Variants in GALNTL6 observed in about 807,000 individuals in gnomAD.
GALNTL6 encodes polypeptide N-acetylgalactosaminyltransferase like 6.
In GALNTL6, 46 loss-of-function variants were observed where a neutral mutation model predicts 73.7. The observed-to-expected ratio is 0.62, with a 90% CI of 0.49 to 0.80. The LOEUF (loss-of-function observed/expected upper bound fraction) is 0.80. Among genes scored for constraint, GALNTL6 ranks in the 30% least tolerant of loss-of-function variants. The probability of loss-of-function intolerance (pLI) is 0.00; values close to 1 mark genes in which losing one functional copy is unlikely to be tolerated. For synonymous variants in GALNTL6, 259 were observed against 263.7 expected (o/e 0.98, Z 0.17); for missense variants, 604 against 755.0 (o/e 0.80, Z 2.34).
intron 5 of GALNTL6, among the ~76,000 whole-genome samples, chr4:172,728,699 T>G (rs28459425): frequency 0.046 from 6,961 of 152,252 alleles, 292 homozygotes; most frequent in African/African-American, 0.11. Flanking sequence ...AGTGCAAATA[T>G]CTCTTTGATA....
At chr4:172,073,400 A>T (rs1230758811) in intron 2 of GALNTL6, among the ~76,000 whole-genome samples, 3 of 152,192 alleles carry the variant, frequency 2.0e-5, no homozygotes, top group African/African-American at 7.2e-5. Context: ...CTGATTGATT[A>T]AAAGAAACTA....
intron 2 of GALNTL6, among the ~76,000 whole-genome samples, chr4:172,147,450 C>CG (rs763409975): frequency 6.6e-6 from 1 of 152,174 alleles, no homozygotes; most frequent in Admixed American, 6.5e-5. Context: ...AGTTCATCCT[C>CG]GATGTGTGCG....
chr4:171,907,761 T>A (rs1372841163), intron 2 of GALNTL6, among the ~76,000 whole-genome samples: 1 of 151,184 alleles, frequency 6.6e-6, no homozygotes, highest in Non-Finnish European at 1.5e-5. Flanking sequence ...AAGGCTACAG[T>A]AACCAAAACA....
intron 2 of GALNTL6, among the ~76,000 whole-genome samples, chr4:172,008,032 G>C (rs79080447): frequency 0.014 from 2,166 of 151,962 alleles, 21 homozygotes; most frequent in Non-Finnish European, 0.023. Context: ...CATGAATTAG[G>C]CTTTATAAAA....
chr4:172,150,279 G>A (rs1219798285), intron 2 of GALNTL6, among the ~76,000 whole-genome samples: 2 of 152,290 alleles, frequency 1.3e-5, no homozygotes, highest in South Asian at 2.1e-4. Flanking sequence ...TATAATTATT[G>A]TAGTTATGTG....
Position 172,061,918 on chromosome 4 carries a change from T to C in GALNTL6, c.139-167738T>C, listed in dbSNP as rs115116132. 2.9e-3 allele frequency among the ~76,000 whole-genome samples: 432 copies of C among 151,112 alleles called. 4 individuals are homozygous for C. The highest frequency in any genetic ancestry group is 9.1e-3 in the African/African-American group (374 of 41,246). On this transcript the variant is annotated intron_variant, in intron 2 of 12. Coordinates refer to ENST00000506823, the MANE Select transcript of GALNTL6 (RefSeq NM_001034845.3). ...AATCTGTTATTTACCACCCATTCCCTGCTTTTGAGCTTGGTATTTTTATCC... is the reference window on the plus strand; with the variant it reads ...AATCTGTTATTTACCACCCATTCCCCGCTTTTGAGCTTGGTATTTTTATCC...
chr4:172,834,522 G>A (rs1254400214), intron 7 of GALNTL6, among the ~76,000 whole-genome samples: 1 of 152,254 alleles, frequency 6.6e-6, no homozygotes, highest in Non-Finnish European at 1.5e-5. Context: ...GAAGGACTGT[G>A]CCCGAGAGAA....
chr4:173,027,331 T>C (rs1198198303), intron 12 of GALNTL6, among the ~76,000 whole-genome samples: 32 of 152,194 alleles, frequency 2.1e-4, no homozygotes, highest in Non-Finnish European at 2.9e-5. Flanking sequence ...GGTTGATTCA[T>C]ATACAGAGAT....
At chr4:172,386,764 G>T (rs1227244762) in intron 5 of GALNTL6, among the ~76,000 whole-genome samples, 1 of 152,024 alleles carries the variant, frequency 6.6e-6, no homozygotes, top group Non-Finnish European at 1.5e-5. Context: ...TCAGAAGAGG[G>T]AGAAAAATTT....
At chr4:172,433,980 A>C (rs1731551754) in intron 5 of GALNTL6, among the ~76,000 whole-genome samples, 1 of 152,106 alleles carries the variant, frequency 6.6e-6, no homozygotes, top group South Asian at 2.1e-4. Flanking sequence ...AAAACAGATA[A>C]GCTCTGTAAT....
chr4:172,116,792 T>C (rs1732996164), intron 2 of GALNTL6, among the ~76,000 whole-genome samples: 1 of 152,188 alleles, frequency 6.6e-6, no homozygotes, highest in Admixed American at 6.6e-5. Flanking sequence ...AGTGAAAATA[T>C]TTAGAAAATT....
intron 2 of GALNTL6, among the ~76,000 whole-genome samples, chr4:172,122,839 A>C (rs1164104521): frequency 1.3e-5 from 2 of 152,198 alleles, no homozygotes; most frequent in Non-Finnish European, 2.9e-5. Context: ...TTACCTGCTC[A>C]TGTCTGGCTA....
chr4:172,205,648 G>A (rs1736086062), intron 2 of GALNTL6, among the ~76,000 whole-genome samples: 1 of 152,164 alleles, frequency 6.6e-6, no homozygotes, highest in Non-Finnish European at 1.5e-5. Flanking sequence ...ACACTCTGAA[G>A]AGCATAGGCA....
intron 5 of GALNTL6, among the ~76,000 whole-genome samples, chr4:172,673,210 G>T (rs1222975015): frequency 6.6e-6 from 1 of 152,070 alleles, no homozygotes. Context: ...ATTCTGGTAT[G>T]TTGCATCTTA....
chr4:172,664,717 C>T (rs1216323356), intron 5 of GALNTL6, among the ~76,000 whole-genome samples: 9 of 152,166 alleles, frequency 5.9e-5, no homozygotes, highest in Non-Finnish European at 1.3e-4. Flanking sequence ...TACTGCAAAT[C>T]CTCCAAACTA....
At chr4:172,409,810 T>C (rs892904277) in intron 5 of GALNTL6, among the ~76,000 whole-genome samples, 2 of 152,024 alleles carry the variant, frequency 1.3e-5, no homozygotes, top group Non-Finnish European at 2.9e-5. Context: ...CTTTGTCTAT[T>C]AATTCAAAGT....
chr4:171,830,683 C>T (rs1734945406), intron 2 of GALNTL6, among the ~76,000 whole-genome samples: 1 of 152,110 alleles, frequency 6.6e-6, no homozygotes, highest in South Asian at 2.1e-4. Context: ...CTTGACTGAT[C>T]TTGATACTGA....
Position 172,809,117 on chromosome 4 carries a change from A to G in GALNTL6, c.554-244A>G, listed in dbSNP as rs1741139807. 6.6e-6 allele frequency among the ~76,000 whole-genome samples: 1 copy of G among 152,200 alleles called. No individual in the cohort carries two copies. Among genetic ancestry groups the G allele is most frequent in the Non-Finnish European group, 1.5e-5 (1 of 68,036 alleles). On this transcript the variant is annotated intron_variant, in intron 5 of 12. Transcript: ENST00000506823. This position sits in a 1 kb window ranked among gnomAD's most constrained non-coding sequence, Gnocchi z 4.4. ...GCAGCTGTCAGCCAGCAGTAACTGC[A>G]TAACAGACCTCTGGCATGTCAGTGA...
chr4:172,955,206 G>A (rs1477497178), intron 10 of GALNTL6, among the ~76,000 whole-genome samples: 5 of 152,144 alleles, frequency 3.3e-5, no homozygotes, highest in African/African-American at 4.8e-5. Context: ...GGCTGGGCAC[G>A]GTGGTTCACG....
Sources: gnomAD v4.1 joint callset for allele counts (sites outside exome capture counted in the v4.1 genomes callset) on GRCh38, gnomAD v4.1.1 for gene constraint, Gnocchi (gnomAD v3.1) non-coding constraint, MANE v1.5 for transcripts, NCBI Gene and HGNC (gene_info 2026-07-23, HGNC 2026-07-21) for gene names.